The following NCOA7 variants were observed in gnomAD, a reference collection of about 807,000 sequenced individuals.
NCOA7 encodes the protein 140 kDa estrogen receptor-associated protein.
A neutral mutation model predicts 104.3 loss-of-function variants in NCOA7; 45 were observed. The ratio of observed to expected loss-of-function variants is 0.43; its 90% CI spans 0.34 to 0.55. The LOEUF (loss-of-function observed/expected upper bound fraction) is 0.55, where lower values mean the gene tolerates loss of function less well. Ranked by LOEUF, NCOA7 falls within the 20% of genes least tolerant of loss-of-function variation. The pLI, the probability that NCOA7 is intolerant of heterozygous loss-of-function variation, is 0.02. For synonymous variants in NCOA7, 398 were observed against 402.3 expected (o/e 0.99, Z 0.13); for missense variants, 1,041 against 1,119.7 (o/e 0.93, Z 1.00).
chr6:125,917,253 C>T lies in NCOA7; in HGVS notation c.2244+1773C>T, dbSNP rs529663804. Among the ~76,000 whole-genome samples, 416 of 151,050 alleles carry T rather than the reference C, an allele frequency of 2.8e-3. 4 individuals carry two copies. The highest frequency in any genetic ancestry group is 5.5e-3 in the Non-Finnish European group (373 of 67,994). On this transcript the variant is annotated intron_variant, in intron 11 of 15. Transcript: ENST00000392477. ...TTTCCAAACAGTTATGTTTTGGAAA[C>T]ACTGACCTGTAGGGTAAGTTTTAAG...
intron 3 of NCOA7, among the ~76,000 whole-genome samples, chr6:125,872,354 A>G (rs557124675): frequency 6.6e-6 from 1 of 152,314 alleles, no homozygotes; most frequent in East Asian, 1.9e-4. Context: ...GCTACAGCTT[A>G]TGGAAGGGCG....
chr6:125,912,521 G>A (rs996063916), intron 10 of NCOA7, among the ~76,000 whole-genome samples: 8 of 152,208 alleles, frequency 5.3e-5, no homozygotes, highest in African/African-American at 1.4e-4. Flanking sequence ...TTGTATGGAG[G>A]CTGTGAAGGC....
chr6:125,827,389 A>G lies in NCOA7; in HGVS notation c.50+11985A>G, dbSNP rs1385892310. Among the ~76,000 whole-genome samples the G allele has an allele frequency of 3.9e-5, 6 of 152,088 alleles. No homozygotes were observed. In the South Asian group the frequency reaches 1.0e-3, roughly 26 times the overall value. Reference sequence around the variant, plus strand: ...TTAATTCTGTCACAATGGCAATTACATTTCAACATGAGTTTTGGAGGGAAC... The same window carrying G: ...TTAATTCTGTCACAATGGCAATTACGTTTCAACATGAGTTTTGGAGGGAAC... On this transcript the variant is annotated intron_variant, in intron 2 of 15. Coordinates refer to ENST00000392477, the MANE Select transcript of NCOA7 (RefSeq NM_181782.5).
chr6:125,921,096 G>A (rs781712225), intron 12 of NCOA7, 28 bp downstream of exon 12: 9 of 1,606,288 alleles, frequency 5.6e-6, no homozygotes, highest in South Asian at 3.3e-5. Flanking sequence ...ACCAAGGGTG[G>A]GGGTTCCTAG....
chr6:125,836,134 T>TAA (rs1779591088), intron 2 of NCOA7, among the ~76,000 whole-genome samples: 1 of 152,234 alleles, frequency 6.6e-6, no homozygotes, highest in South Asian at 2.1e-4. Flanking sequence ...TTGTGACAGC[T>TAA]TTATGTAGAA....
At chr6:125,886,936 G>A (rs544644803) in intron 8 of NCOA7, among the ~76,000 whole-genome samples, 2 of 152,194 alleles carry the variant, frequency 1.3e-5, no homozygotes, top group East Asian at 3.8e-4. Context: ...TTGTAGCTCC[G>A]GCTGCCACAG....
chr6:125,868,192 A>G (rs895477947), intron 3 of NCOA7, among the ~76,000 whole-genome samples: 8 of 152,234 alleles, frequency 5.3e-5, no homozygotes, highest in Admixed American at 2.6e-4. Context: ...TTTAGCATGT[A>G]TCAAAATGAT....
At chr6:125,877,707 T>C (rs1015051524) in intron 4 of NCOA7, among the ~76,000 whole-genome samples, 1 of 152,230 alleles carries the variant, frequency 6.6e-6, no homozygotes, top group South Asian at 2.1e-4. Flanking sequence ...TGAACAATTA[T>C]TGGTAGCTAA....
chr6:125,876,601 TAAAA>T (rs202233696), intron 4 of NCOA7, among the ~76,000 whole-genome samples: 2 of 129,656 alleles, frequency 1.5e-5, no homozygotes, highest in African/African-American at 2.9e-5. Flanking sequence ...GTAGTGACAG[TAAAA>T]AAAAAAAAAA....
intron 3 of NCOA7, among the ~76,000 whole-genome samples, chr6:125,869,824 C>A (rs981905401): frequency 4.6e-5 from 7 of 152,234 alleles, no homozygotes; most frequent in Admixed American, 4.6e-4. Context: ...GGCAAGGGAA[C>A]CAGTCCTCCC....
At chr6:125,912,122 G>A (rs1786621065) in intron 10 of NCOA7, among the ~76,000 whole-genome samples, 1 of 152,210 alleles carries the variant, frequency 6.6e-6, no homozygotes. Context: ...TTCAATTCGT[G>A]CTGTACAGGC....
intron 11 of NCOA7, among the ~76,000 whole-genome samples, chr6:125,916,474 AATGATGGATAAC>A (rs1354700985): frequency 1.3e-5 from 2 of 152,226 alleles, no homozygotes; most frequent in Non-Finnish European, 2.9e-5. Context: ...CTGGAAATAC[AATGATGGATAAC>A]ATAGGCTCTC....
chr6:125,900,427 C>T lies in NCOA7; in HGVS notation c.2096+9617C>T, dbSNP rs191341238. The stretch of plus-strand genomic sequence containing the variant: ...CAAGTAATCCTTTTTATAACCACAA[C>T]TGCTGTTTTGAGCTTTCTCAACAGA... On this transcript the variant is annotated intron_variant, in intron 10 of 15. Transcript: ENST00000392477. Among the ~76,000 whole-genome samples, 389 of 152,332 alleles carry T rather than the reference C, an allele frequency of 2.6e-3. 1 individual carries two copies. The highest frequency in any genetic ancestry group is 6.8e-3 in the Middle Eastern group (2 of 294).
chr6:125,811,488 A>T (rs981945383), intron 1 of NCOA7, among the ~76,000 whole-genome samples: 1 of 152,170 alleles, frequency 6.6e-6, no homozygotes, highest in Non-Finnish European at 1.5e-5. Flanking sequence ...ATATGAAATA[A>T]GCTCTTTAGG....
intron 11 of NCOA7, among the ~76,000 whole-genome samples, chr6:125,917,256 T>G (rs980532794): frequency 2.0e-5 from 3 of 152,018 alleles, no homozygotes; most frequent in African/African-American, 7.3e-5. Context: ...TTGGAAACAC[T>G]GACCTGTAGG....
At chr6:125,875,770 T>C (rs1476317643) in intron 4 of NCOA7, among the ~76,000 whole-genome samples, 1 of 152,246 alleles carries the variant, frequency 6.6e-6, no homozygotes, top group Non-Finnish European at 1.5e-5. Flanking sequence ...CTTTAATTCA[T>C]ATATCCATGA....
chr6:125,833,122 C>T (rs1184565568), intron 2 of NCOA7, among the ~76,000 whole-genome samples: 4 of 152,106 alleles, frequency 2.6e-5, no homozygotes, highest in Non-Finnish European at 5.9e-5. Context: ...ACTATTGGCA[C>T]TAGAAATTTG....
At chr6:125,921,306 A>T (rs1029682861) in intron 12 of NCOA7, among the ~76,000 whole-genome samples, 4 of 152,118 alleles carry the variant, frequency 2.6e-5, no homozygotes, top group Admixed American at 2.0e-4. Context: ...GCTACTCAGG[A>T]GGCTGAGACA....
chr6:125,847,844 A>G (rs1235803347), intron 2 of NCOA7, among the ~76,000 whole-genome samples: 1 of 152,242 alleles, frequency 6.6e-6, no homozygotes, highest in Non-Finnish European at 1.5e-5. Flanking sequence ...CAGCAAAAGA[A>G]ACTATCATCA....
Sources: allele counts gnomAD v4.1 joint callset (sites outside exome capture counted in the v4.1 genomes callset), GRCh38; gene constraint gnomAD v4.1.1; transcripts MANE v1.5; gene names NCBI Gene and HGNC (gene_info 2026-07-23, HGNC 2026-07-21).